REV3L: variants seen among roughly 807,000 people sequenced by gnomAD.
REV3L encodes DNA polymerase zeta catalytic subunit.
REV3L carries 69 observed loss-of-function variants against 299.4 expected under a neutral mutation model. That is an observed-to-expected ratio of 0.23 (90% confidence interval 0.19 to 0.28). REV3L has a LOEUF of 0.28. Among genes scored for constraint, REV3L ranks in the 10% least tolerant of loss-of-function variants. The probability of loss-of-function intolerance (pLI) is 1.00; values close to 1 mark genes in which losing one functional copy is unlikely to be tolerated. For synonymous variants in REV3L, 1,238 were observed against 1,271.4 expected (o/e 0.97, Z 0.56); for missense variants, 3,128 against 3,693.8 (o/e 0.85, Z 3.97).
In REV3L at chr6:111,367,962, T is replaced by C. The variant is rs1376431290; in HGVS notation, c.5826A>G (p.Gly1942=). Residue 1942 remains glycine (G), a synonymous_variant, in exon 14 of 32, where the codon GGA becomes GGG. Coordinates refer to ENST00000368802, the MANE Select transcript of REV3L (RefSeq NM_001372078.1). The part of the protein sequence containing the change: ...RLANDLAEFE[G]DFSLEGLRLW... ...GACGAAGTCCTTCCAAGGAAAAGTC[T>C]CCCTCAAACTCAGCCAGATCATTTG... The C allele has an allele frequency of 6.2e-7, 1 of 1,613,910 alleles. No homozygotes were observed. Among genetic ancestry groups the C allele is most frequent in the Non-Finnish European group, 8.5e-7 (1 of 1,179,936 alleles).
chr6:111,308,234 C>A (rs920825981), intron 30 of REV3L: 4 of 452,690 alleles, frequency 8.8e-6, no homozygotes, highest in African/African-American at 4.0e-5. Context: ...TGAATAGTGC[C>A]GCAATAAATC....
chr6:111,418,213 C>G (rs1291725199), intron 1 of REV3L, among the ~76,000 whole-genome samples: 1 of 152,080 alleles, frequency 6.6e-6, no homozygotes, highest in Admixed American at 6.5e-5. Context: ...AATGCAAGAC[C>G]AGTGATTACA....
Position 111,316,707 on chromosome 6 carries a change from A to T in REV3L, c.8352-1326T>A, listed in dbSNP as rs145349476. Among the ~76,000 whole-genome samples, 334 of 152,222 alleles carry T rather than the reference A, an allele frequency of 2.2e-3. 2 individuals are homozygous for T. The highest frequency in any genetic ancestry group is 7.8e-3 in the African/African-American group (323 of 41,548). On this transcript the variant is annotated intron_variant, in intron 26 of 31. Transcript: ENST00000368802. ...AAAAAAAGACAGACATATATTCTGT[A>T]ATGTATGTTAACTGAAAAATAGTTA...
intron 26 of REV3L, 24 bp from the exon 27 acceptor site, chr6:111,315,405 A>G: frequency 1.3e-6 from 2 of 1,585,356 alleles, no homozygotes; most frequent in Admixed American, 3.4e-5. Context: ...AAATAAAGTA[A>G]GGTAATGAGG....
chr6:111,395,756 T>G (rs541623615), intron 4 of REV3L, among the ~76,000 whole-genome samples: 10 of 152,180 alleles, frequency 6.6e-5, no homozygotes, highest in Non-Finnish European at 1.2e-4. Flanking sequence ...ATGGGCATCC[T>G]GTCTTCTTCT....
intron 1 of REV3L, among the ~76,000 whole-genome samples, chr6:111,432,778 G>A (rs755181481): frequency 1.4e-4 from 21 of 152,102 alleles, no homozygotes; most frequent in African/African-American, 2.4e-4. Flanking sequence ...AACATTCTCC[G>A]AAACAAATCA....
intron 13 of REV3L, 127 bp downstream of exon 13, chr6:111,372,469 G>T: frequency 3.3e-6 from 2 of 606,442 alleles, no homozygotes; most frequent in Non-Finnish European, 2.5e-6. Flanking sequence ...TTACAAATAC[G>T]GTATCACAGA....
At chr6:111,388,156 T>C (rs1320007647) in intron 7 of REV3L, 71 bp from the exon 8 acceptor site, 34 of 1,060,094 alleles carry the variant, frequency 3.2e-5, no homozygotes, top group African/African-American at 6.3e-5. Flanking sequence ...TCTCCTAAAG[T>C]AGCTTTAAAA....
Position 111,307,414 on chromosome 6 carries a change from T to C in REV3L, c.9199A>G (p.Ile3067Val). Reference sequence around the variant, plus strand: ...AACTCCCGGATTTCTTGGTTGAGGATGACTGCAACATGCTGAGGTTGGCTC... The same window carrying C: ...AACTCCCGGATTTCTTGGTTGAGGACGACTGCAACATGCTGAGGTTGGCTC... ...CRSQPQHVAV[I>V]LNQEIRELER... The change falls in exon 31 of 32, where the codon ATC (isoleucine) becomes GTC (valine). Residue 3067 changes from isoleucine to valine, a missense_variant. By Grantham distance (29) the Ile-to-Val change is conservative. This residue lies in a region of REV3L where 294 missense variants were observed against 377.0 expected (regional missense o/e 0.78). Transcript: ENST00000368802. 3 of 1,614,204 alleles carry C rather than the reference T, an allele frequency of 1.9e-6. No individual in the cohort carries two copies. Among genetic ancestry groups the C allele is most frequent in the Non-Finnish European group, 2.5e-6 (3 of 1,180,030 alleles).
chr6:111,399,337 G>C (rs1782853887), intron 4 of REV3L, among the ~76,000 whole-genome samples: 1 of 152,098 alleles, frequency 6.6e-6, no homozygotes, highest in South Asian at 2.1e-4. Flanking sequence ...GTACCACAGA[G>C]AGTTTCCATA....
intron 1 of REV3L, among the ~76,000 whole-genome samples, chr6:111,421,183 T>C (rs978552371): frequency 7.2e-5 from 11 of 152,208 alleles, no homozygotes; most frequent in African/African-American, 1.4e-4. Flanking sequence ...ACATTTCTTA[T>C]TGTCATTTTT....
chr6:111,372,501 A>G (rs558685763), intron 13 of REV3L, 95 bp downstream of exon 13: 2 of 952,294 alleles, frequency 2.1e-6, no homozygotes, highest in Non-Finnish European at 2.9e-6. Context: ...CAGGTAACCA[A>G]ATGTTGCATA....
In REV3L at chr6:111,450,342, G is replaced by A. The variant is rs376666341; in HGVS notation, c.139+32408C>T. Reference sequence around the variant, plus strand: ...AAAAATTAAAAAATTAGCCAGGCACGGTGATGCGCACCTGTTGTTCCAGCT... The same window carrying A: ...AAAAATTAAAAAATTAGCCAGGCACAGTGATGCGCACCTGTTGTTCCAGCT... On this transcript the variant is annotated intron_variant, in intron 1 of 31. Coordinates refer to ENST00000368802, the MANE Select transcript of REV3L (RefSeq NM_001372078.1). 9.7e-4 allele frequency among the ~76,000 whole-genome samples: 147 copies of A among 151,940 alleles called. 1 individual carries two copies. The highest frequency in any genetic ancestry group is 3.3e-3 in the African/African-American group (137 of 41,458).
intron 1 of REV3L, among the ~76,000 whole-genome samples, chr6:111,460,078 T>C (rs1411079196): frequency 6.6e-6 from 1 of 152,088 alleles, no homozygotes; most frequent in Non-Finnish European, 1.5e-5. Context: ...CATGGAACAC[T>C]ACACAGCCAC....
chr6:111,395,987 C>T (rs559796669), intron 4 of REV3L, among the ~76,000 whole-genome samples: 12 of 152,228 alleles, frequency 7.9e-5, no homozygotes, highest in African/African-American at 2.9e-4. Context: ...TGATGTATCA[C>T]ATTTATTGAT....
chr6:111,382,328 C>T (rs898499778), intron 9 of REV3L, among the ~76,000 whole-genome samples: 5 of 152,112 alleles, frequency 3.3e-5, no homozygotes, highest in African/African-American at 9.7e-5. Flanking sequence ...AAAAGACAGT[C>T]GTGAATTGCT....
intron 23 of REV3L, among the ~76,000 whole-genome samples, chr6:111,332,494 T>C (rs1480916545): frequency 6.6e-6 from 1 of 152,162 alleles, no homozygotes; most frequent in Non-Finnish European, 1.5e-5. Flanking sequence ...CAAATTCCTG[T>C]TTTTAATAAA....
At chr6:111,352,840 G>A (rs1170065563) in intron 18 of REV3L, among the ~76,000 whole-genome samples, 3 of 152,170 alleles carry the variant, frequency 2.0e-5, no homozygotes, top group Non-Finnish European at 4.4e-5. Context: ...GAGCCTCTTT[G>A]TGGCTCCTCT....
intron 9 of REV3L, among the ~76,000 whole-genome samples, chr6:111,382,727 G>C (rs1205033462): frequency 1.3e-5 from 2 of 152,188 alleles, no homozygotes; most frequent in Non-Finnish European, 2.9e-5. Context: ...CAGTAGACTT[G>C]GGGTACACGC....
Sources: allele counts gnomAD v4.1 joint callset (sites outside exome capture counted in the v4.1 genomes callset), GRCh38; gene constraint gnomAD v4.1.1; regional missense constraint gnomAD v4.1.1; transcripts MANE v1.5; gene names NCBI Gene and HGNC (gene_info 2026-07-23, HGNC 2026-07-21).